The following MEI4 variants were observed in gnomAD, a reference collection of about 807,000 sequenced individuals.
MEI4 encodes the protein meiotic double-stranded break formation protein 4, also known as meiosis-specific protein MEI4.
MEI4 carries 27 observed loss-of-function variants against 31.4 expected under a neutral mutation model. The ratio of observed to expected loss-of-function variants is 0.86; its 90% confidence interval spans 0.63 to 1.19. The LOEUF is 1.19. Ranked by LOEUF, MEI4 falls within the 50% of genes most tolerant of loss-of-function variation. The pLI is 0.00. For synonymous variants in MEI4, 122 were observed against 145.4 expected (o/e 0.84, Z 1.16); for missense variants, 329 against 398.9 (o/e 0.82, Z 1.49).
intron 2 of MEI4, among the ~76,000 whole-genome samples, chr6:77,729,549 T>G (rs1010191409): frequency 6.6e-6 from 1 of 152,180 alleles, no homozygotes; most frequent in Non-Finnish European, 1.5e-5. Context: ...GATCTTTCAT[T>G]ATGATGACTT....
intron 2 of MEI4, among the ~76,000 whole-genome samples, chr6:77,698,191 G>A (rs966937996): frequency 6.6e-6 from 1 of 152,106 alleles, no homozygotes; most frequent in Non-Finnish European, 1.5e-5. Context: ...CCTGAATATA[G>A]CACACTGATG....
intron 2 of MEI4, among the ~76,000 whole-genome samples, chr6:77,759,768 C>T (rs868631041): frequency 5.9e-5 from 9 of 152,106 alleles, no homozygotes; most frequent in African/African-American, 2.2e-4. Flanking sequence ...AATGTTGGGA[C>T]TAATAGAGGT....
intron 3 of MEI4, among the ~76,000 whole-genome samples, chr6:77,803,575 GCT>G (rs1419420298): frequency 1.3e-5 from 2 of 152,106 alleles, no homozygotes; most frequent in African/African-American, 4.8e-5. Flanking sequence ...CAGTTTTTCT[GCT>G]CTGTTTTTTC....
intron 3 of MEI4, among the ~76,000 whole-genome samples, chr6:77,782,321 A>G (rs1768614446): frequency 6.6e-6 from 1 of 152,170 alleles, no homozygotes; most frequent in South Asian, 2.1e-4. Context: ...TTTTATACAT[A>G]AGGGAAAGGA....
rs142809768 is a variant in MEI4 at position 77,737,020 on chromosome 6, G to A, written c.233-24110G>A. Among the ~76,000 whole-genome samples, 213 of 152,276 alleles carry A rather than the reference G, an allele frequency of 1.4e-3. 1 individual carries two copies. The highest frequency in any genetic ancestry group is 4.5e-3 in the African/African-American group (187 of 41,566). ...TATGATAGTGGCATACAGAGCATGA[G>A]GAGGTGTTCTAGAAAATAAGATGAC... On this transcript the variant is annotated intron_variant, in intron 2 of 4. Transcript: ENST00000684080.
intron 4 of MEI4, among the ~76,000 whole-genome samples, chr6:77,864,022 G>T (rs1423780269): frequency 6.6e-6 from 1 of 152,122 alleles, no homozygotes; most frequent in Non-Finnish European, 1.5e-5. Flanking sequence ...TTACAGACAA[G>T]CAAATGCTGA....
chr6:77,731,088 A>G (rs1376276864), intron 2 of MEI4, among the ~76,000 whole-genome samples: 1 of 151,924 alleles, frequency 6.6e-6, no homozygotes, highest in Admixed American at 6.5e-5. Context: ...CAATAAACAT[A>G]TGTGTGCATG....
chr6:77,662,393 TGAGG>T (rs922321933), intron 1 of MEI4, among the ~76,000 whole-genome samples: 1 of 152,096 alleles, frequency 6.6e-6, no homozygotes, highest in Admixed American at 6.5e-5. Flanking sequence ...GATGCAGTCA[TGAGG>T]GTCAGGTGTG....
At chr6:77,694,319 A>G (rs1435444178) in intron 2 of MEI4, among the ~76,000 whole-genome samples, 1 of 151,964 alleles carries the variant, frequency 6.6e-6, no homozygotes, top group Admixed American at 6.6e-5. Context: ...TGTGCAGGTT[A>G]GTTACATACG....
chr6:77,917,104 C>A (rs1408889584), intron 4 of MEI4, among the ~76,000 whole-genome samples: 1 of 151,876 alleles, frequency 6.6e-6, no homozygotes, highest in Admixed American at 6.6e-5. Flanking sequence ...ATGAACTCAT[C>A]ATTTTTTATG....
chr6:77,766,187 T>C (rs1002321925), intron 3 of MEI4, among the ~76,000 whole-genome samples: 1 of 152,212 alleles, frequency 6.6e-6, no homozygotes, highest in African/African-American at 2.4e-5. Flanking sequence ...GTTTTAATTA[T>C]GGGAAGTCCT....
intron 3 of MEI4, among the ~76,000 whole-genome samples, chr6:77,796,681 C>T (rs1488124956): frequency 6.6e-6 from 1 of 152,062 alleles, no homozygotes; most frequent in African/African-American, 2.4e-5. Flanking sequence ...TACTATAAGA[C>T]GTTTGTGAAA....
rs187847854 is a variant in MEI4, at chr6:77,766,614, G to A, written c.768+4949G>A. Among the ~76,000 whole-genome samples, 924 of 152,064 alleles carry A rather than the reference G, an allele frequency of 6.1e-3. 7 individuals carry two copies. Among genetic ancestry groups the A allele is most frequent in the African/African-American group, 0.02 (834 of 41,500 alleles). ...TATTTTTAGTAGAGATGGTTTCACC[G>A]TGTTAGCCAGGATGATCTCGATCTC... On this transcript the variant is annotated intron_variant, in intron 3 of 4. Transcript: ENST00000684080.
At chr6:77,775,853 A>G (rs1210135345) in intron 3 of MEI4, among the ~76,000 whole-genome samples, 2 of 152,062 alleles carry the variant, frequency 1.3e-5, no homozygotes, top group Admixed American at 6.6e-5. Flanking sequence ...ATCCATGCCA[A>G]CATCTATTAT....
intron 3 of MEI4, among the ~76,000 whole-genome samples, chr6:77,802,260 A>C (rs1291570821): frequency 6.6e-6 from 1 of 152,104 alleles, no homozygotes; most frequent in Non-Finnish European, 1.5e-5. Flanking sequence ...TTGTTGGTTT[A>C]AAGTCTGTTT....
At chr6:77,674,539 G>T (rs1473251598) in intron 1 of MEI4, among the ~76,000 whole-genome samples, 2 of 152,250 alleles carry the variant, frequency 1.3e-5, no homozygotes, top group Admixed American at 1.3e-4. Flanking sequence ...TGCTGCACAG[G>T]TTCGTAGCCT....
At chr6:77,878,886 A>T (rs1376623103) in intron 4 of MEI4, among the ~76,000 whole-genome samples, 2 of 152,134 alleles carry the variant, frequency 1.3e-5, no homozygotes, top group Admixed American at 6.6e-5. Context: ...CTACATGAAA[A>T]TGCATATAGT....
At chr6:77,921,498 A>G (rs1001310334) in intron 4 of MEI4, among the ~76,000 whole-genome samples, 1 of 151,802 alleles carries the variant, frequency 6.6e-6, no homozygotes, top group African/African-American at 2.4e-5. Context: ...TTGTGTGTTC[A>G]GTGGAAGAGA....
At chr6:77,713,442 A>G (rs1045956288) in intron 2 of MEI4, among the ~76,000 whole-genome samples, 14 of 152,194 alleles carry the variant, frequency 9.2e-5, no homozygotes, top group African/African-American at 3.4e-4. Context: ...AACTGAATCT[A>G]GCTGTTAAGT....
Sources: gnomAD v4.1 joint callset for allele counts (sites outside exome capture counted in the v4.1 genomes callset) on GRCh38, gnomAD v4.1.1 for gene constraint, MANE v1.5 for transcripts, NCBI Gene and HGNC (gene_info 2026-07-23, HGNC 2026-07-21) for gene names.